Variants in DLGAP3 observed in about 807,000 individuals in gnomAD.
DLGAP3 encodes the protein disks large-associated protein 3.
In DLGAP3, 17 loss-of-function variants were observed where a neutral mutation model predicts 81.2. The observed-to-expected ratio is 0.21, with a 90% CI of 0.14 to 0.31. The LOEUF is 0.31. Ranked by LOEUF, DLGAP3 falls within the 10% of genes least tolerant of loss-of-function variation. DLGAP3 has a pLI of 1.00. For synonymous variants in DLGAP3, 577 were observed against 587.4 expected (o/e 0.98, Z 0.26); for missense variants, 1,124 against 1,388.0 (o/e 0.81, Z 3.02).
rs943958211 is a variant in DLGAP3 at position 34,929,329 on chromosome 1, GGGAGCCGAGCGCC to G, written c.-135+109_-135+121del. 3.3e-5 allele frequency: 5 copies of G among 149,424 alleles called. No individual in the cohort carries two copies. Among genetic ancestry groups the G allele is most frequent in the South Asian group, 2.1e-4 (1 of 4,824 alleles). 9.3% of individuals were successfully genotyped at this position (149,424 alleles called of 1,614,324 possible). On this transcript the variant is annotated intron_variant, in intron 1 of 11. Coordinates refer to ENST00000373347, the MANE Select transcript of DLGAP3 (RefSeq NM_001080418.3). This position sits in a 1 kb window ranked among gnomAD's most constrained non-coding sequence, Gnocchi z 6.5. Reference sequence around the variant, plus strand: ...CCAGCCCCTCCCCCCTCCCGGGGCCGGGAGCCGAGCGCCGGAGCCCGGGGCGTGGGCGGCGCCG... The same window carrying G: ...CCAGCCCCTCCCCCCTCCCGGGGCCGGGAGCCCGGGGCGTGGGCGGCGCCG...
chr1:34,886,247 G>C lies in DLGAP3; in HGVS notation c.1425C>G (p.Cys475Trp). ...ACTCCAGCTCCCCAAACACCGACCC[G>C]CACACGGCCTCCAGCTGCTGGTTCA... ...DELNQQLEAV[C>W]GSVFGELESQ... The change falls in exon 6 of 12, where the codon TGC becomes TGG. Residue 475 changes from cysteine to tryptophan, a missense_variant. Physicochemically the swap from Cys to Trp is radical, Grantham distance 215 (BLOSUM62 -2). Transcript: ENST00000373347. 1 of 1,607,406 alleles carries C rather than the reference G, an allele frequency of 6.2e-7. No individual in the cohort carries two copies. The highest frequency in any genetic ancestry group is 8.5e-7 in the Non-Finnish European group (1 of 1,177,082).
chr1:34,918,156 G>A (rs923153191), intron 1 of DLGAP3, among the ~76,000 whole-genome samples: 8 of 152,188 alleles, frequency 5.3e-5, no homozygotes, highest in African/African-American at 1.9e-4. Flanking sequence ...AGACAGGCAT[G>A]GTTCTCTAGT....
chr1:34,917,042 TGAG>T (rs1408277319), intron 1 of DLGAP3, among the ~76,000 whole-genome samples: 2 of 152,006 alleles, frequency 1.3e-5, no homozygotes, highest in African/African-American at 2.4e-5. Context: ...CAAACTGGTC[TGAG>T]GAGGCCAATA....
intron 8 of DLGAP3, among the ~76,000 whole-genome samples, chr1:34,881,286 C>T (rs1238724261): frequency 6.6e-6 from 1 of 152,152 alleles, no homozygotes. Context: ...CATGAGAACC[C>T]TGATTCTTAG....
At chr1:34,921,160 C>T (rs1226868551) in intron 1 of DLGAP3, among the ~76,000 whole-genome samples, 7 of 152,114 alleles carry the variant, frequency 4.6e-5, no homozygotes, top group Admixed American at 4.6e-4. Context: ...TAATAGGGGG[C>T]TTTGCACACG....
intron 5 of DLGAP3, among the ~76,000 whole-genome samples, chr1:34,891,919 T>C (rs965895301): frequency 1.3e-5 from 2 of 152,212 alleles, no homozygotes; most frequent in African/African-American, 4.8e-5. Flanking sequence ...ATAACAATCT[T>C]CAAGAGGAAA....
intron 8 of DLGAP3, among the ~76,000 whole-genome samples, chr1:34,883,412 C>A (rs1027000100): frequency 3.9e-5 from 6 of 152,184 alleles, no homozygotes; most frequent in Non-Finnish European, 5.9e-5. Context: ...GGGGAACCCC[C>A]ACCCCCCTGG....
intron 5 of DLGAP3, 43 bp from the exon 6 acceptor site, chr1:34,886,328 AG>A (rs1380241219): frequency 6.6e-7 from 1 of 1,511,130 alleles, no homozygotes; most frequent in Non-Finnish European, 8.9e-7. Context: ...AGGTGCCGGG[AG>A]GGGGTGGAAG....
At position 34,925,191 on chromosome 1, in the gene DLGAP3, C is replaced by G. The variant is rs573617537; in HGVS notation, c.-135+4260G>C. On this transcript the variant is annotated intron_variant, in intron 1 of 11. Transcript: ENST00000373347. The stretch of plus-strand genomic sequence containing the variant: ...ACCGGGGGCACCTGACAACCCCCCC[C>G]CCACCTTCCCTCTATGTCCCAAGAG... Among the ~76,000 whole-genome samples the G allele has an allele frequency of 7.0e-4, 107 of 152,112 alleles. No individual in the cohort carries two copies. In the East Asian group the frequency reaches 0.016, roughly 23 times the overall value.
At chr1:34,905,543 A>G (rs1483050721) in intron 2 of DLGAP3, 109 bp from the exon 3 acceptor site, 7 of 772,276 alleles carry the variant, frequency 9.1e-6, no homozygotes, top group Non-Finnish European at 1.4e-5. Flanking sequence ...TCAATTTATT[A>G]TGATTAATCA....
At chr1:34,899,807 T>C in intron 4 of DLGAP3, 66 bp from the exon 5 acceptor site, 1 of 1,488,510 alleles carries the variant, frequency 6.7e-7, no homozygotes, top group Non-Finnish European at 9.4e-7. Context: ...GGGGAGATAA[T>C]AGCACTGGGG....
rs182361169 is a variant in DLGAP3, at chr1:34,906,194, G to T, written c.-51-760C>A. The stretch of plus-strand genomic sequence containing the variant: ...GATGTGTGTGTATGTGTGTGAATAT[G>T]TCCTTAGATTACCAAAAACAAAAGC... On this transcript the variant is annotated intron_variant, in intron 2 of 11. Transcript: ENST00000373347. 2.1e-3 allele frequency among the ~76,000 whole-genome samples: 314 copies of T among 150,802 alleles called. 1 individual carries two copies. The highest frequency in any genetic ancestry group is 7.5e-3 in the African/African-American group (306 of 41,002).
In DLGAP3 at chr1:34,900,023, C is replaced by A; in HGVS notation, c.1313+45G>T. The A allele has an allele frequency of 6.6e-7, 1 of 1,522,764 alleles. No individual in the cohort carries two copies. Among genetic ancestry groups the A allele is most frequent in the Non-Finnish European group, 9.0e-7 (1 of 1,106,384 alleles). 94.3% of individuals were successfully genotyped at this position (1,522,764 alleles called of 1,614,324 possible). A position where few individuals can be genotyped will look rare whatever the true frequency, so the allele number is the denominator to read the frequency against. On this transcript the variant is annotated intron_variant, in intron 4 of 11. Transcript: ENST00000373347. The surrounding 1 kb of genome is among the most constrained non-coding windows in gnomAD (Gnocchi z 5.6). The stretch of plus-strand genomic sequence containing the variant: ...ACACACATCTCCCGCAGGAGTCCAG[C>A]ATCAGCCTCCTGACCCCGCACCCCC...
chr1:34,872,796 C>G (rs959589880), intron 8 of DLGAP3, among the ~76,000 whole-genome samples: 1 of 152,186 alleles, frequency 6.6e-6, no homozygotes, highest in Non-Finnish European at 1.5e-5. Flanking sequence ...TGAAGGAATG[C>G]AGATAGCCTC....
At position 34,912,868 on chromosome 1, in the gene DLGAP3, A is replaced by G. The variant is rs973397719; in HGVS notation, c.-134-5431T>C. 1.4e-4 allele frequency among the ~76,000 whole-genome samples: 21 copies of G among 152,300 alleles called. No individual in the cohort carries two copies. The South Asian group carries it at 1.9e-3, about 14-fold the overall frequency. ...TATTCAACTGTGCCCATGGATAGGC[A>G]TCCCTCTGCCCGCTCCGGCCCAGCC... On this transcript the variant is annotated intron_variant, in intron 1 of 11. Coordinates refer to ENST00000373347, the MANE Select transcript of DLGAP3 (RefSeq NM_001080418.3).
At chr1:34,905,605 C>A (rs1478494564) in intron 2 of DLGAP3, among the ~76,000 whole-genome samples, 171 bp from the exon 3 acceptor site, 1 of 152,114 alleles carries the variant, frequency 6.6e-6, no homozygotes, top group Non-Finnish European at 1.5e-5. Context: ...TCATAATAGA[C>A]ATAGACACTC....
At chr1:34,874,661 T>G (rs143282982) in intron 8 of DLGAP3, among the ~76,000 whole-genome samples, 5 of 152,306 alleles carry the variant, frequency 3.3e-5, no homozygotes, top group African/African-American at 1.2e-4. Flanking sequence ...TCCACTGCGA[T>G]TCTACTTCAG....
chr1:34,870,733 G>T (rs1638967228), intron 8 of DLGAP3, among the ~76,000 whole-genome samples: 1 of 152,142 alleles, frequency 6.6e-6, no homozygotes, highest in African/African-American at 2.4e-5. Flanking sequence ...GCCCTGTCCT[G>T]CCCTGGTCAA....
intron 5 of DLGAP3, 137 bp downstream of exon 5, chr1:34,899,532 G>T: frequency 1.2e-6 from 1 of 815,872 alleles, no homozygotes. Flanking sequence ...GGAGTCCTAA[G>T]GCAGGTTTCC....
Sources: allele counts gnomAD v4.1 joint callset (sites outside exome capture counted in the v4.1 genomes callset), GRCh38; gene constraint gnomAD v4.1.1; non-coding constraint Gnocchi (gnomAD v3.1); transcripts MANE v1.5; gene names NCBI Gene and HGNC (gene_info 2026-07-23, HGNC 2026-07-21).